TMPRSS2: variants seen among roughly 807,000 people sequenced by gnomAD.
The protein encoded by TMPRSS2 is transmembrane serine protease 2.
TMPRSS2 carries 59 observed loss-of-function variants against 67.4 expected under a neutral mutation model. That is an observed-to-expected ratio of 0.88 (90% CI 0.71 to 1.09). TMPRSS2 has a LOEUF of 1.09. Among genes scored for constraint, TMPRSS2 ranks in the 50% least tolerant of loss-of-function variants. The pLI is 0.00. For missense variants in TMPRSS2, 668 were observed against 642.7 expected, an observed-to-expected ratio of 1.04 and a Z score of -0.43; for synonymous variants, 257 against 257.0, an observed-to-expected ratio of 1.00 and a Z score of 0.00.
At chr21:41,469,989 C>G (rs547356228) in intron 11 of TMPRSS2, among the ~76,000 whole-genome samples, 2 of 152,264 alleles carry the variant, frequency 1.3e-5, no homozygotes, top group Non-Finnish European at 2.9e-5. Context: ...TTCCCTGACG[C>G]TCCCCAGAAA....
chr21:41,494,758 A>G lies in TMPRSS2; in HGVS notation c.16-180T>C. On this transcript the variant is annotated intron_variant, in intron 2 of 13. Coordinates refer to ENST00000332149, the MANE Select transcript of TMPRSS2 (RefSeq NM_005656.4). Reference sequence around the variant, plus strand: ...ACTTGTACAGTTAGAGATTAATAAGAAAGTGACAAGATATTAAAAAGGTAC... The same window carrying G: ...ACTTGTACAGTTAGAGATTAATAAGGAAGTGACAAGATATTAAAAAGGTAC... 3 of 743,256 alleles carry G rather than the reference A, an allele frequency of 4.0e-6. No homozygotes were observed. The South Asian group carries it at 4.7e-5, about 12-fold the overall frequency. The allele number at this position is 743,256 out of a possible 1,614,324, so 46.0% of individuals were successfully genotyped here.
chr21:41,477,649 A>G lies in TMPRSS2; in HGVS notation c.684-1029T>C, dbSNP rs144576889. ...CACCCCCCGGGTTCTCAGTGACTAC[A>G]GGTGCATTCCAGGTGGACTCTGGCT... On this transcript the variant is annotated intron_variant, in intron 7 of 13. Transcript: ENST00000332149. Among the ~76,000 whole-genome samples, 693 of 152,212 alleles carry G rather than the reference A, an allele frequency of 4.6e-3. 6 individuals carry two copies. The highest frequency in any genetic ancestry group is 0.016 in the African/African-American group (655 of 41,538).
At chr21:41,501,978 C>T (rs946674201) in intron 1 of TMPRSS2, among the ~76,000 whole-genome samples, 2 of 152,218 alleles carry the variant, frequency 1.3e-5, no homozygotes, top group Admixed American at 6.5e-5. Context: ...GAAAGAGCAA[C>T]AGTGGGTGGC....
At chr21:41,488,955 A>G (rs914175432) in intron 4 of TMPRSS2, among the ~76,000 whole-genome samples, 15 of 152,184 alleles carry the variant, frequency 9.9e-5, no homozygotes, top group Non-Finnish European at 2.1e-4. Flanking sequence ...CCCCACTTTA[A>G]TAAGGAGGAG....
At chr21:41,469,723 C>T (rs1293162856) in intron 11 of TMPRSS2, among the ~76,000 whole-genome samples, 2 of 152,124 alleles carry the variant, frequency 1.3e-5, no homozygotes, top group Non-Finnish European at 2.9e-5. Flanking sequence ...TCCCATCTGT[C>T]TGACCACACC....
intron 8 of TMPRSS2, among the ~76,000 whole-genome samples, chr21:41,474,304 T>C (rs1341951175): frequency 3.7e-4 from 1 of 2,720 alleles, no homozygotes; most frequent in African/African-American, 2.6e-3. Flanking sequence ...AGTGAGGAGG[T>C]GAGGGGGTGA....
chr21:41,503,084 A>T (rs1166456426), intron 1 of TMPRSS2, among the ~76,000 whole-genome samples: 1 of 152,252 alleles, frequency 6.6e-6, no homozygotes, highest in Non-Finnish European at 1.5e-5. Context: ...AGACGATCGG[A>T]AATGTAAATT....
At chr21:41,497,881 G>A (rs1420883747) in intron 2 of TMPRSS2, among the ~76,000 whole-genome samples, 1 of 152,228 alleles carries the variant, frequency 6.6e-6, no homozygotes, top group Non-Finnish European at 1.5e-5. Context: ...ATGAGGTCAA[G>A]GTGAGAATGC....
At chr21:41,506,223 C>T (rs898012777) in intron 1 of TMPRSS2, among the ~76,000 whole-genome samples, 2 of 152,198 alleles carry the variant, frequency 1.3e-5, no homozygotes, top group Non-Finnish European at 2.9e-5. Flanking sequence ...AGAAGGTTGT[C>T]CTTGGCTGGT....
intron 3 of TMPRSS2, among the ~76,000 whole-genome samples, chr21:41,494,117 G>C (rs2091359054): frequency 1.3e-5 from 2 of 152,248 alleles, no homozygotes; most frequent in South Asian, 4.1e-4. Context: ...GTACAGGAGA[G>C]TTAACGGAAG....
intron 10 of TMPRSS2, among the ~76,000 whole-genome samples, chr21:41,471,343 T>G (rs1033753808): frequency 6.6e-6 from 1 of 152,246 alleles, no homozygotes; most frequent in Non-Finnish European, 1.5e-5. Context: ...TTACACATTT[T>G]AGGCCAGTAG....
In TMPRSS2 at chr21:41,478,336, G is replaced by A. The variant is rs949916755; in HGVS notation, c.683+836C>T. 5.3e-5 allele frequency among the ~76,000 whole-genome samples: 8 copies of A among 152,148 alleles called. No homozygotes were observed. The highest frequency in any genetic ancestry group is 1.2e-4 in the Non-Finnish European group (8 of 68,024). The stretch of plus-strand genomic sequence containing the variant: ...CGGGGTGATTAGTTCATCCTCCCCC[G>A]AAATGCAGCACCTGGCACCTGGCAG... On this transcript the variant is annotated intron_variant, in intron 7 of 13. Transcript: ENST00000332149. The surrounding 1 kb of genome is among the most constrained non-coding windows in gnomAD (Gnocchi z 4.0).
chr21:41,466,176 AG>A (rs780026542), intron 13 of TMPRSS2, 23 bp from the exon 14 acceptor site: 1 of 1,612,778 alleles, frequency 6.2e-7, no homozygotes, highest in Admixed American at 1.7e-5. Context: ...GAAAAAAAAA[AG>A]TGTGTTATTT....
Position 41,466,159 on chromosome 21 carries a change from C to T in TMPRSS2, c.1468-6G>A, listed in dbSNP as rs1189283460. ...CATGTGGATTAGCCGTCTGCCTGTT[C>T]AAATAGGAAAAAAAAAAGTGTGTTA... is the stretch of plus-strand genomic sequence containing the variant. On this transcript the variant is annotated splice_polypyrimidine_tract_variant and splice_region_variant and intron_variant, in intron 13 of 13. Coordinates refer to ENST00000332149, the MANE Select transcript of TMPRSS2 (RefSeq NM_005656.4). The T allele has an allele frequency of 1.2e-5, 19 of 1,609,280 alleles. No individual in the cohort carries two copies. The highest frequency in any genetic ancestry group is 1.6e-5 in the Non-Finnish European group (19 of 1,178,568).
At chr21:41,493,874 G>A (rs888835362) in intron 3 of TMPRSS2, among the ~76,000 whole-genome samples, 23 of 152,244 alleles carry the variant, frequency 1.5e-4, no homozygotes, top group African/African-American at 5.3e-4. Flanking sequence ...AGACAGCTCA[G>A]ATACTTCTGT....
chr21:41,480,781 G>A lies in TMPRSS2; in HGVS notation c.446-179C>T, dbSNP rs150581606. Among the ~76,000 whole-genome samples the A allele has an allele frequency of 3.9e-5, 6 of 152,234 alleles. No homozygotes were observed. The East Asian group carries it at 9.7e-4, about 25-fold the overall frequency. On this transcript the variant is annotated intron_variant, in intron 5 of 13. Coordinates refer to ENST00000332149, the MANE Select transcript of TMPRSS2 (RefSeq NM_005656.4). ...AGCCTCCCGAGTAGCTGGGATTACAGGCGTCCACCACCCCGTCCAGTTAAT... is the reference window on the plus strand; with the variant it reads ...AGCCTCCCGAGTAGCTGGGATTACAAGCGTCCACCACCCCGTCCAGTTAAT...
chr21:41,490,350 G>A (rs890954497), intron 3 of TMPRSS2, among the ~76,000 whole-genome samples: 5 of 152,170 alleles, frequency 3.3e-5, no homozygotes, highest in African/African-American at 1.2e-4. Context: ...TTAGCGAATG[G>A]ATGCTACTGT....
chr21:41,479,340 A>G (rs1286798161), intron 6 of TMPRSS2, 58 bp from the exon 7 acceptor site: 1 of 1,293,374 alleles, frequency 7.7e-7, no homozygotes, highest in South Asian at 1.2e-5. Context: ...CACAAATCCT[A>G]TACTATGTCA....
chr21:41,476,716 TC>T, intron 7 of TMPRSS2, 96 bp from the exon 8 acceptor site: 1 of 1,095,588 alleles, frequency 9.1e-7, no homozygotes, highest in African/African-American at 1.5e-5. Context: ...ATGTTCCCTC[TC>T]CTGTCTTCTG....
Sources: gnomAD v4.1 joint callset for allele counts (sites outside exome capture counted in the v4.1 genomes callset) on GRCh38, gnomAD v4.1.1 for gene constraint, Gnocchi (gnomAD v3.1) non-coding constraint, MANE v1.5 for transcripts, NCBI Gene and HGNC (gene_info 2026-07-23, HGNC 2026-07-21) for gene names.